Variants in ARHGAP28 observed in about 807,000 individuals in gnomAD.
The protein encoded by ARHGAP28 is Rho GTPase activating protein 28.
Under a neutral mutation model 90.7 loss-of-function variants are expected in ARHGAP28, and 56 were observed. The ratio of observed to expected loss-of-function variants is 0.62; its 90% CI spans 0.50 to 0.77. ARHGAP28 has a LOEUF of 0.77. ARHGAP28 is among the 30% of genes least tolerant of loss of function. The pLI, the probability that ARHGAP28 is intolerant of heterozygous loss-of-function variation, is 0.00. For synonymous variants in ARHGAP28, 308 were observed against 323.3 expected (o/e 0.95, Z 0.51); for missense variants, 869 against 900.9 (o/e 0.96, Z 0.45).
At chr18:6,896,751 C>T in intron 16 of ARHGAP28, 125 bp downstream of exon 16, 1 of 1,079,474 alleles carries the variant, frequency 9.3e-7, no homozygotes, top group Non-Finnish European at 1.3e-6. Context: ...AGGGAGTTTA[C>T]CAGTGGATTA....
intron 1 of ARHGAP28, chr18:6,730,163 G>C (rs2055864492): frequency 3.0e-6 from 1 of 336,608 alleles, no homozygotes; most frequent in East Asian, 4.2e-5. Flanking sequence ...TCGTTGGCTA[G>C]CAGAGATTAG....
intron 1 of ARHGAP28, among the ~76,000 whole-genome samples, chr18:6,772,155 G>A (rs952415666): frequency 6.6e-6 from 1 of 152,154 alleles, no homozygotes; most frequent in Admixed American, 6.5e-5. Context: ...AGGACTTTAG[G>A]TATACTCTAA....
chr18:6,812,093 T>C (rs2056561276), intron 1 of ARHGAP28, among the ~76,000 whole-genome samples: 1 of 152,182 alleles, frequency 6.6e-6, no homozygotes, highest in African/African-American at 2.4e-5. Context: ...CCACAGAGGC[T>C]AGTCTTTATT....
chr18:6,853,404 G>C (rs754648059), intron 4 of ARHGAP28, among the ~76,000 whole-genome samples: 1 of 151,920 alleles, frequency 6.6e-6, no homozygotes, highest in Admixed American at 6.6e-5. Context: ...ATAAAACCTA[G>C]GTCTCCACAG....
chr18:6,742,018 G>T (rs1257236368), intron 1 of ARHGAP28, among the ~76,000 whole-genome samples: 1 of 152,160 alleles, frequency 6.6e-6, no homozygotes, highest in Non-Finnish European at 1.5e-5. Context: ...AGCTGATGAA[G>T]TCCTCAGCTG....
At position 6,851,128 on chromosome 18, in the gene ARHGAP28, T is replaced by C. The variant is rs762741520; in HGVS notation, c.636+2T>C. The C allele has an allele frequency of 1.2e-6, 2 of 1,613,634 alleles. No individual in the cohort carries two copies. Among genetic ancestry groups the C allele is most frequent in the South Asian group, 2.2e-5 (2 of 91,052 alleles). On this transcript the variant is annotated splice_donor_variant, in intron 4 of 17. Coordinates refer to ENST00000383472, the MANE Select transcript of ARHGAP28 (RefSeq NM_001366230.1). LOFTEE classifies it high-confidence loss of function. ...GTTATCAAGACAAGTGGTTCCATGG[T>C]AAGTTATAGTTGTGGGGGGATGGTG...
intron 1 of ARHGAP28, among the ~76,000 whole-genome samples, chr18:6,798,708 G>T (rs1295388293): frequency 9.9e-5 from 15 of 152,114 alleles, no homozygotes. Flanking sequence ...AGGAATAAAA[G>T]ACTACATATT....
chr18:6,733,012 A>C (rs8088863), intron 1 of ARHGAP28, among the ~76,000 whole-genome samples: 79,123 of 151,900 alleles, frequency 0.52, 20,826 homozygotes, highest in South Asian at 0.7. Context: ...AAACTCAAAT[A>C]TCTGAGTTTT....
At chr18:6,787,204 G>A (rs1227423796) in intron 1 of ARHGAP28, among the ~76,000 whole-genome samples, 1 of 107,022 alleles carries the variant, frequency 9.3e-6, no homozygotes, top group Non-Finnish European at 1.7e-5. Context: ...TGGGCAACAA[G>A]AGCGAAACTC....
intron 2 of ARHGAP28, among the ~76,000 whole-genome samples, chr18:6,825,940 A>G (rs1283933917): frequency 6.6e-6 from 1 of 152,148 alleles, no homozygotes; most frequent in Non-Finnish European, 1.5e-5. Flanking sequence ...TCTTTTTAGT[A>G]TAATAATCTA....
intron 1 of ARHGAP28, among the ~76,000 whole-genome samples, chr18:6,821,629 T>G (rs2056627497): frequency 1.3e-5 from 2 of 152,204 alleles, no homozygotes; most frequent in Admixed American, 1.3e-4. Context: ...CTCTTCCAAG[T>G]GCTCTTATCC....
intron 10 of ARHGAP28, among the ~76,000 whole-genome samples, chr18:6,880,227 G>A (rs1485688880): frequency 6.6e-6 from 1 of 152,012 alleles, no homozygotes; most frequent in East Asian, 1.9e-4. Context: ...AATCATCTCG[G>A]ATGATTATTT....
chr18:6,878,675 A>G (rs2057153327), intron 10 of ARHGAP28, among the ~76,000 whole-genome samples: 1 of 152,016 alleles, frequency 6.6e-6, no homozygotes, highest in Non-Finnish European at 1.5e-5. Context: ...TTTCTCCCCT[A>G]CCCAGTTTTA....
chr18:6,773,026 A>G (rs1358830510), intron 1 of ARHGAP28, among the ~76,000 whole-genome samples: 3 of 152,114 alleles, frequency 2.0e-5, no homozygotes, highest in African/African-American at 4.8e-5. Flanking sequence ...TGAAGGTTTT[A>G]TCTGGACATA....
chr18:6,738,326 A>G (rs2055946019), intron 1 of ARHGAP28, among the ~76,000 whole-genome samples: 1 of 151,930 alleles, frequency 6.6e-6, no homozygotes, highest in South Asian at 2.1e-4. Context: ...TTTATACTTT[A>G]CTTATAATTT....
chr18:6,750,130 T>A (rs1191030144), intron 1 of ARHGAP28, among the ~76,000 whole-genome samples: 1 of 152,168 alleles, frequency 6.6e-6, no homozygotes, highest in African/African-American at 2.4e-5. Context: ...TGCTAACATC[T>A]ACTGAGTGCT....
intron 2 of ARHGAP28, among the ~76,000 whole-genome samples, chr18:6,830,569 C>T (rs774835874): frequency 3.9e-5 from 6 of 152,004 alleles, no homozygotes; most frequent in African/African-American, 1.2e-4. Context: ...GAACATGTGA[C>T]GTTTGGTTTT....
At chr18:6,858,723 G>T (rs1484112972) in intron 4 of ARHGAP28, among the ~76,000 whole-genome samples, 1 of 152,016 alleles carries the variant, frequency 6.6e-6, no homozygotes, top group Non-Finnish European at 1.5e-5. Flanking sequence ...TAGAGATGGG[G>T]TTTCCCTATG....
At position 6,890,600 on chromosome 18, in the gene ARHGAP28, AG is replaced by A. The variant is rs578225484; in HGVS notation, c.1848+63del. The A allele has an allele frequency of 1.7e-4, 173 of 1,046,060 alleles. 2 individuals are homozygous for A. In the East Asian group the frequency reaches 4.0e-3, roughly 24 times the overall value. 64.8% of individuals were successfully genotyped at this position (1,046,060 alleles called of 1,614,324 possible). A position where few individuals can be genotyped will look rare whatever the true frequency, so the allele number is the denominator to read the frequency against. ...CACTGCCTAGATTTGTACTCCTCAA[AG>A]GGGGGCACAAAGTAGCTTGTCATTT... On this transcript the variant is annotated intron_variant, in intron 14 of 17. Transcript: ENST00000383472.
Sources: gnomAD v4.1 joint callset for allele counts (sites outside exome capture counted in the v4.1 genomes callset) on GRCh38, gnomAD v4.1.1 for gene constraint, MANE v1.5 for transcripts, NCBI Gene and HGNC (gene_info 2026-07-23, HGNC 2026-07-21) for gene names.